Variants in ZNF723 observed in about 807,000 individuals in gnomAD.
ZNF723 encodes zinc finger protein 723, pseudogene.
A neutral mutation model predicts 9.4 loss-of-function variants in ZNF723; 5 were observed. The observed-to-expected ratio is 0.53, with a 90% CI of 0.28 to 1.12. ZNF723 has a LOEUF of 1.12. Among genes scored for constraint, ZNF723 ranks in the 50% most tolerant of loss-of-function variants. The pLI is 0.10. For missense variants in ZNF723, 450 were observed against 501.5 expected (o/e 0.90, Z 0.98); for synonymous variants, 158 against 168.8 (o/e 0.94, Z 0.49).
chr19:22,832,784 A>G (rs1967114297), intron 1 of ZNF723, among the ~76,000 whole-genome samples: 1 of 152,218 alleles, frequency 6.6e-6, no homozygotes, highest in African/African-American at 2.4e-5. Flanking sequence ...TATGGGAGTC[A>G]TCGCAAAAAT....
intron 1 of ZNF723, among the ~76,000 whole-genome samples, chr19:22,842,376 T>C (rs1286118751): frequency 3.9e-5 from 6 of 152,186 alleles, no homozygotes; most frequent in Admixed American, 3.9e-4. Context: ...AAATTAATAA[T>C]GCCACACTGG....
chr19:22,850,301 G>T (rs1700684151), intron 3 of ZNF723, among the ~76,000 whole-genome samples: 1 of 151,908 alleles, frequency 6.6e-6, no homozygotes, highest in Admixed American at 6.6e-5. Flanking sequence ...CCGCCTCCCG[G>T]ATTCAAGTGA....
At position 22,858,255 on chromosome 19, in the gene ZNF723, G is replaced by A. The variant is rs1967512400; in HGVS notation, c.1364G>A (p.Cys455Tyr). 3 of 1,332,906 alleles carry A rather than the reference G, an allele frequency of 2.3e-6. No homozygotes were observed. The highest frequency in any genetic ancestry group is 2.2e-6 in the Non-Finnish European group (2 of 926,778). The allele number at this position is 1,332,906 out of a possible 1,614,324, so 82.6% of individuals were successfully genotyped here. A position where few individuals can be genotyped will look rare whatever the true frequency, so the allele number is the denominator to read the frequency against. Residue 455 changes from cysteine (C) to tyrosine (Y), a missense_variant, in exon 4 of 4, where the codon TGT becomes TAT. Cys to Tyr is a radical substitution (Grantham distance 194). Coordinates refer to ENST00000600766, the MANE Select transcript of ZNF723 (RefSeq NM_001349726.2). Reference protein sequence around the residue: ...IIHTKEKPYKCEECGKAFNQY... With the variant: ...IIHTKEKPYKYEECGKAFNQY... ...CATACTAAAGAGAAACCCTACAAAT[G>A]TGAAGAATGTGGCAAAGCTTTTAAC... is the stretch of plus-strand genomic sequence containing the variant.
chr19:22,858,148 T>C lies in ZNF723; in HGVS notation c.1257T>C (p.His419=). 1 of 1,425,554 alleles carries C rather than the reference T, an allele frequency of 7.0e-7. No homozygotes were observed. The highest frequency in any genetic ancestry group is 1.4e-5 in the African/African-American group (1 of 71,242). The allele number at this position is 1,425,554 out of a possible 1,614,324, so 88.3% of individuals were successfully genotyped here. ...SSALTTHKII[H]TGERPYKCKQ... is the part of the protein sequence containing the mutation. The stretch of plus-strand genomic sequence containing the variant: ...CCCTTACTACACATAAGATAATTCA[T>C]ACTGGAGAAAGACCTTACAAATGTA... The change falls in exon 4 of 4, where the codon CAT becomes CAC. Residue 419 remains histidine, a synonymous_variant. Coordinates refer to ENST00000600766, the MANE Select transcript of ZNF723 (RefSeq NM_001349726.2).
the ZNF723 span, among the ~76,000 whole-genome samples, chr19:22,821,964 G>A: frequency 6.6e-6 from 1 of 152,252 alleles, no homozygotes; most frequent in South Asian, 2.1e-4. Flanking sequence ...CAAAAAATTA[G>A]CCAGTTGTGG....
intron 1 of ZNF723, 68 bp from the exon 2 acceptor site, chr19:22,848,193 A>G: frequency 1.7e-6 from 1 of 589,996 alleles, no homozygotes; most frequent in Non-Finnish European, 3.0e-6. Context: ...ACCTTCAGTC[A>G]AATTAAAAAT....
chr19:22,845,230 A>G (rs186482333), intron 1 of ZNF723, among the ~76,000 whole-genome samples: 1 of 152,278 alleles, frequency 6.6e-6, no homozygotes, highest in Non-Finnish European at 1.5e-5. Context: ...CTTGAGAGAC[A>G]ATGCTTAGCT....
intron 1 of ZNF723, among the ~76,000 whole-genome samples, chr19:22,845,372 C>T (rs1383703528): frequency 2.6e-5 from 4 of 151,944 alleles, no homozygotes; most frequent in Non-Finnish European, 4.4e-5. Context: ...TATCTTTGCT[C>T]GTGCCCTTTC....
chr19:22,835,051 T>A (rs1471924354), intron 1 of ZNF723, among the ~76,000 whole-genome samples: 1 of 116,930 alleles, frequency 8.6e-6, no homozygotes, highest in Non-Finnish European at 1.7e-5. Flanking sequence ...TGTGTGTGAT[T>A]TTTTTTGTTT....
chr19:22,815,032 A>G, the ZNF723 span, among the ~76,000 whole-genome samples: 1,057 of 152,048 alleles, frequency 7.0e-3, 8 homozygotes, highest in Non-Finnish European at 0.012. Context: ...GGGCTCGCCT[A>G]CAGAGGTATT....
chr19:22,848,387 G>C lies in ZNF723; in HGVS notation c.130G>C (p.Gly44Arg). 3 of 1,437,924 alleles carry C rather than the reference G, an allele frequency of 2.1e-6. No homozygotes were observed. The highest frequency in any genetic ancestry group is 2.4e-5 in the South Asian group (2 of 84,484). The allele number at this position is 1,437,924 out of a possible 1,614,324, so 89.1% of individuals were successfully genotyped here. ...GAACTACAGAAACCTGGTCTTCCTGGGTGAGAATAACTTCAATACACAATC... is the reference window on the plus strand; with the variant it reads ...GAACTACAGAAACCTGGTCTTCCTGCGTGAGAATAACTTCAATACACAATC... ...LENYRNLVFL[G>R]VGVSKPDLIT... Residue 44 changes from glycine (G) to arginine (R), a missense_variant and splice_region_variant, in exon 2 of 4, where the codon GGT becomes CGT. Gly to Arg is a moderately radical substitution (Grantham distance 125). Coordinates refer to ENST00000600766, the MANE Select transcript of ZNF723 (RefSeq NM_001349726.2).
chr19:22,833,020 A>C (rs918889093), intron 1 of ZNF723, among the ~76,000 whole-genome samples: 1 of 152,130 alleles, frequency 6.6e-6, no homozygotes, highest in Non-Finnish European at 1.5e-5. Context: ...TTTGGTTAAG[A>C]CTGAATTTCG....
At chr19:22,838,013 G>A (rs1422284721) in intron 1 of ZNF723, among the ~76,000 whole-genome samples, 1 of 152,118 alleles carries the variant, frequency 6.6e-6, no homozygotes, top group Non-Finnish European at 1.5e-5. Flanking sequence ...TCCACCCATT[G>A]AGTTCCTTTC....
At position 22,857,491 on chromosome 19, in the gene ZNF723, T is replaced by G; in HGVS notation, c.600T>G (p.Cys200Trp). The G allele has an allele frequency of 8.6e-7, 1 of 1,159,690 alleles. No homozygotes were observed. Among genetic ancestry groups the G allele is most frequent in the Non-Finnish European group, 1.3e-6 (1 of 770,630 alleles). The allele number at this position is 1,159,690 out of a possible 1,614,324, so 71.8% of individuals were successfully genotyped here. Residue 200 changes from cysteine to tryptophan, a missense_variant, in exon 4 of 4, where the codon TGT becomes TGG. Physicochemically the swap from Cys to Trp is radical, Grantham distance 215. Coordinates refer to ENST00000600766, the MANE Select transcript of ZNF723 (RefSeq NM_001349726.2). ...AAAGAAATCATACTAGAGTGAATTGTTACAAATGTGAAGAATGTGGCAAAG... is the reference window on the plus strand; with the variant it reads ...AAAGAAATCATACTAGAGTGAATTGGTACAAATGTGAAGAATGTGGCAAAG... ...KHERNHTRVNCYKCEECGKAF... is the reference protein window; with the variant it reads ...KHERNHTRVNWYKCEECGKAF...
At chr19:22,820,942 C>A in the ZNF723 span, among the ~76,000 whole-genome samples, 1 of 152,274 alleles carries the variant, frequency 6.6e-6, no homozygotes, top group East Asian at 1.9e-4. Flanking sequence ...CTGTGAATCT[C>A]CCACGTGGAG....
the ZNF723 span, among the ~76,000 whole-genome samples, chr19:22,819,067 T>C: frequency 6.6e-6 from 1 of 152,038 alleles, no homozygotes; most frequent in Non-Finnish European, 1.5e-5. Flanking sequence ...TCTTTCTAGG[T>C]CCTGCCTGTA....
At chr19:22,826,042 ACTCT>A in the ZNF723 span, among the ~76,000 whole-genome samples, 1 of 151,946 alleles carries the variant, frequency 6.6e-6, no homozygotes, top group Non-Finnish European at 1.5e-5. Flanking sequence ...AGATGATGTG[ACTCT>A]CTTCTTCTGC....
the ZNF723 span, among the ~76,000 whole-genome samples, chr19:22,819,744 A>T: frequency 6.6e-6 from 1 of 152,214 alleles, no homozygotes; most frequent in Non-Finnish European, 1.5e-5. Flanking sequence ...GTGTTGTAAC[A>T]TATTGCTGAA....
Position 22,857,481 on chromosome 19 carries a change from G to C in ZNF723, c.590G>C (p.Arg197Thr), listed in dbSNP as rs1370592236. 4.2e-5 allele frequency: 47 copies of C among 1,109,384 alleles called. No individual in the cohort carries two copies. The highest frequency in any genetic ancestry group is 1.5e-5 in the African/African-American group (1 of 65,234). 68.7% of individuals were successfully genotyped at this position (1,109,384 alleles called of 1,614,324 possible). ...ACTAAACATGAAAGAAATCATACTAGAGTGAATTGTTACAAATGTGAAGAA... is the reference window on the plus strand; with the variant it reads ...ACTAAACATGAAAGAAATCATACTACAGTGAATTGTTACAAATGTGAAGAA... ...HLTKHERNHT[R>T]VNCYKCEECG... The change falls in exon 4 of 4, where the codon AGA becomes ACA. Residue 197 changes from arginine to threonine, a missense_variant. Arg to Thr is a moderately conservative substitution (Grantham distance 71, BLOSUM62 -1). Around this residue, in one of 5 missense-constraint regions of ZNF723, gnomAD observed 143 missense variants for 101.3 expected, o/e 1.41. Transcript: ENST00000600766.
Sources: allele counts gnomAD v4.1 joint callset (sites outside exome capture counted in the v4.1 genomes callset), GRCh38; gene constraint gnomAD v4.1.1; regional missense constraint gnomAD v4.1.1; transcripts MANE v1.5; gene names NCBI Gene and HGNC (gene_info 2026-07-23, HGNC 2026-07-21).